LRRFIP2: variants seen among roughly 807,000 people sequenced by gnomAD.
LRRFIP2 encodes the protein LRR binding FLII interacting protein 2.
Under a neutral mutation model 125.9 loss-of-function variants are expected in LRRFIP2, and 109 were observed. The ratio of observed to expected loss-of-function variants is 0.87; its 90% confidence interval spans 0.74 to 1.01. The LOEUF (loss-of-function observed/expected upper bound fraction) is 1.01. Among genes scored for constraint, LRRFIP2 ranks in the 50% least tolerant of loss-of-function variants. The pLI is 0.00. For missense variants in LRRFIP2, 850 were observed against 862.3 expected, an observed-to-expected ratio of 0.99 and a Z score of 0.18; for synonymous variants, 291 against 293.1, an observed-to-expected ratio of 0.99 and a Z score of 0.07.
intron 18 of LRRFIP2, among the ~76,000 whole-genome samples, chr3:37,088,502 C>T (rs1385323104): frequency 1.3e-5 from 2 of 148,878 alleles, no homozygotes; most frequent in African/African-American, 5.0e-5. Flanking sequence ...CATGGTGAGA[C>T]TGCATTTAAA....
At chr3:37,165,001 C>G (rs1195892709) in intron 1 of LRRFIP2, among the ~76,000 whole-genome samples, 2 of 151,790 alleles carry the variant, frequency 1.3e-5, no homozygotes, top group African/African-American at 4.8e-5. Context: ...TTTGGGAGGC[C>G]GAGGCTGGCA....
rs9828974 is a variant in LRRFIP2 at position 37,063,854 on chromosome 3, A to C, written c.1700-63T>G. 3.8e-3 allele frequency: 4,754 copies of C among 1,263,708 alleles called. 132 individuals are homozygous for C. In the African/African-American group the frequency reaches 0.059, roughly 16 times the overall value. 78.3% of individuals were successfully genotyped at this position (1,263,708 alleles called of 1,614,324 possible). On this transcript the variant is annotated intron_variant, in intron 23 of 27. Coordinates refer to ENST00000336686, the MANE Select transcript of LRRFIP2 (RefSeq NM_006309.4). The stretch of plus-strand genomic sequence containing the variant: ...ATGATATAGTACATAAACAATTAAA[A>C]ATTTTTCAAACTCATAAACAGCTAA...
chr3:37,119,532 T>C (rs1220365061), intron 6 of LRRFIP2, among the ~76,000 whole-genome samples: 1 of 152,184 alleles, frequency 6.6e-6, no homozygotes, highest in Admixed American at 6.5e-5. Context: ...AAATACACAC[T>C]GCGAACATTA....
intron 2 of LRRFIP2, among the ~76,000 whole-genome samples, chr3:37,146,051 G>A (rs1264827705): frequency 6.6e-6 from 1 of 152,000 alleles, no homozygotes; most frequent in Admixed American, 6.6e-5. Context: ...ATTTTTTAAA[G>A]AAAGCATCAC....
At chr3:37,169,459 C>A (rs2096555626) in intron 1 of LRRFIP2, among the ~76,000 whole-genome samples, 1 of 152,060 alleles carries the variant, frequency 6.6e-6, no homozygotes, top group African/African-American at 2.4e-5. Flanking sequence ...TACATTTAGT[C>A]CTATAATCCT....
At chr3:37,175,180 T>C (rs910425016), upstream of LRRFIP2, 1 of 150,984 alleles carries the variant, frequency 6.6e-6, no homozygotes, top group South Asian at 2.1e-4. Context: ...TCCTTCTCTC[T>C]TGTTTCATTA....
At chr3:37,064,622 G>GTAGA (rs200815299) in intron 23 of LRRFIP2, 5,444 of 150,592 alleles carry the variant, frequency 0.036, 133 homozygotes, top group African/African-American at 0.059. Flanking sequence ...GCATCCATGG[G>GTAGA]TAGATCTGCG....
chr3:37,059,556 AG>A lies in LRRFIP2; in HGVS notation c.1750-647del, dbSNP rs1302117337. ...GTAATCCCAGCACTTTGGGAAGCTGAGGCGGGCGGATCACAAGGTCAAGAGA... is the reference window on the plus strand; with the variant it reads ...GTAATCCCAGCACTTTGGGAAGCTGAGCGGGCGGATCACAAGGTCAAGAGA... On this transcript the variant is annotated intron_variant, in intron 24 of 27. Transcript: ENST00000336686. Among the ~76,000 whole-genome samples, 17 of 152,254 alleles carry A rather than the reference AG, an allele frequency of 1.1e-4. 1 individual carries two copies. The highest frequency in any genetic ancestry group is 1.5e-4 in the Non-Finnish European group (10 of 67,998).
At chr3:37,107,412 TGAG>T (rs1219073075) in intron 13 of LRRFIP2, among the ~76,000 whole-genome samples, 2 of 152,120 alleles carry the variant, frequency 1.3e-5, no homozygotes, top group Admixed American at 1.3e-4. Context: ...GAAAATATAT[TGAG>T]GAGCAGTATG....
At chr3:37,085,192 A>ATGAAGTTGGG (rs2092951807) in intron 18 of LRRFIP2, among the ~76,000 whole-genome samples, 2 of 152,164 alleles carry the variant, frequency 1.3e-5, no homozygotes, top group Non-Finnish European at 2.9e-5. Context: ...TGGGATAGGC[A>ATGAAGTTGGG]ATGGTTTTTC....
At chr3:37,108,994 T>C (rs1172113865) in intron 11 of LRRFIP2, among the ~76,000 whole-genome samples, 2 of 152,200 alleles carry the variant, frequency 1.3e-5, no homozygotes, top group African/African-American at 4.8e-5. Context: ...GAAAGGAAAC[T>C]GAGGTACAAA....
At position 37,077,171 on chromosome 3, in the gene LRRFIP2, G is replaced by C. The variant is rs146624003; in HGVS notation, c.1279-2055C>G. ...GCAAAACTACATACCTTTCGACCCA[G>C]CAATCTCACTCTTCATCATAGATAC... is the stretch of plus-strand genomic sequence containing the variant. On this transcript the variant is annotated intron_variant, in intron 19 of 27. Transcript: ENST00000336686. Among the ~76,000 whole-genome samples the C allele has an allele frequency of 3.5e-3, 536 of 152,262 alleles. 4 individuals are homozygous for C. The highest frequency in any genetic ancestry group is 0.012 in the African/African-American group (507 of 41,548).
chr3:37,055,241 G>A (rs2086475376), intron 25 of LRRFIP2, 76 bp from the exon 26 acceptor site: 2 of 813,754 alleles, frequency 2.5e-6, no homozygotes, highest in Non-Finnish European at 3.9e-6. Flanking sequence ...GTACCTCTGT[G>A]GCACAGAGAG....
Position 37,121,679 on chromosome 3 carries a change from T to C in LRRFIP2, c.241A>G (p.Arg81Gly), listed in dbSNP as rs2095048287. 1 of 1,613,974 alleles carries C rather than the reference T, an allele frequency of 6.2e-7. No individual in the cohort carries two copies. Among genetic ancestry groups the C allele is most frequent in the Admixed American group, 1.7e-5 (1 of 59,994 alleles). The change falls in exon 5 of 28, where the codon AGG (arginine) becomes GGG (glycine). Residue 81 changes from arginine to glycine, a missense_variant. Transcript: ENST00000336686. ...QIQKWLEDSE[R>G]ARYSHRSSHH... ...CTGGACCGGTGGGAATACCTGGCCC[T>C]TTCCGAATCTTCCTGGGAAAGGAGA...
intron 21 of LRRFIP2, among the ~76,000 whole-genome samples, chr3:37,072,366 GT>G (rs2091350968): frequency 6.6e-6 from 1 of 151,904 alleles, no homozygotes; most frequent in Non-Finnish European, 1.5e-5. Context: ...GCTGGGCATG[GT>G]TGTGTGTGCC....
At chr3:37,160,633 G>A (rs1215784279) in intron 1 of LRRFIP2, among the ~76,000 whole-genome samples, 1 of 151,946 alleles carries the variant, frequency 6.6e-6, no homozygotes, top group Non-Finnish European at 1.5e-5. Context: ...TACAAAATTA[G>A]CTGGGCGTGG....
At chr3:37,093,756 T>C (rs1424680955) in intron 17 of LRRFIP2, among the ~76,000 whole-genome samples, 2 of 152,206 alleles carry the variant, frequency 1.3e-5, no homozygotes, top group African/African-American at 4.8e-5. Flanking sequence ...CAAGATGCTT[T>C]GTGATTTGGC....
chr3:37,114,077 G>A (rs1329763698), intron 7 of LRRFIP2, among the ~76,000 whole-genome samples: 1 of 150,916 alleles, frequency 6.6e-6, no homozygotes, highest in African/African-American at 2.4e-5. Context: ...ATATATAGCT[G>A]TATTCCCAAT....
Position 37,174,521 on chromosome 3 carries a change from C to G in LRRFIP2, c.-56+18G>C, listed in dbSNP as rs1319416816. ...CTATTTTGTATAGTGCAAATTCTTT[C>G]AGTGAACATTTTCATACCTTAGTGA... On this transcript the variant is annotated intron_variant, in intron 1 of 27. Transcript: ENST00000336686. 3.3e-5 allele frequency: 5 copies of G among 152,112 alleles called. No individual in the cohort carries two copies. The highest frequency in any genetic ancestry group is 2.6e-4 in the Admixed American group (4 of 15,272). The allele number at this position is 152,112 out of a possible 1,614,324, so 9.4% of individuals were successfully genotyped here.
Sources: allele counts gnomAD v4.1 joint callset (sites outside exome capture counted in the v4.1 genomes callset), GRCh38; gene constraint gnomAD v4.1.1; transcripts MANE v1.5; gene names NCBI Gene and HGNC (gene_info 2026-07-23, HGNC 2026-07-21).